Variants in CRBN observed in about 807,000 individuals in gnomAD.
The protein encoded by CRBN is protein cereblon.
A neutral mutation model predicts 62.2 loss-of-function variants in CRBN; 53 were observed. The observed-to-expected ratio is 0.85, with a 90% CI of 0.68 to 1.07. The LOEUF is 1.07. CRBN is among the 50% of genes least tolerant of loss of function. CRBN has a pLI of 0.00. For missense variants in CRBN, 616 were observed against 531.1 expected (o/e 1.16, Z -1.57); for synonymous variants, 208 against 176.1 (o/e 1.18, Z -1.43).
intron 1 of CRBN, 53 bp from the exon 2 acceptor site, chr3:3,175,322 A>G (rs1305297911): frequency 7.0e-6 from 9 of 1,284,200 alleles, no homozygotes; most frequent in Non-Finnish European, 1.0e-5. Flanking sequence ...AAAACCTTTC[A>G]AACATGTAAT....
At chr3:3,179,432 G>A (rs571850128) in intron 1 of CRBN, among the ~76,000 whole-genome samples, 189 bp downstream of exon 1, 6 of 152,270 alleles carry the variant, frequency 3.9e-5, no homozygotes, top group East Asian at 3.9e-4. Context: ...GGGCAACAGA[G>A]CAGCGAAGAA....
chr3:3,171,853 C>T (rs1052029605), intron 4 of CRBN, among the ~76,000 whole-genome samples: 1 of 152,164 alleles, frequency 6.6e-6, no homozygotes, highest in Non-Finnish European at 1.5e-5. Flanking sequence ...CTGGGCAACA[C>T]AGAGGTCTGA....
chr3:3,149,899 G>A (rs959098760), downstream of CRBN: 1 of 152,062 alleles, frequency 6.6e-6, no homozygotes, highest in African/African-American at 2.4e-5. Context: ...AAATGTGGAA[G>A]GAAGGACCCA....
chr3:3,170,582 C>A (rs149963162), intron 4 of CRBN, among the ~76,000 whole-genome samples: 1 of 152,060 alleles, frequency 6.6e-6, no homozygotes, highest in Admixed American at 6.6e-5. Context: ...CAGAAAAAGA[C>A]GAGACTGAAC....
rs774075027 is a variant in CRBN, at chr3:3,172,896, C to G, written c.407G>C (p.Gly136Ala). The change falls in exon 4 of 11, where the codon GGA (glycine) becomes GCA (alanine). Residue 136 changes from glycine (G) to alanine (A), a missense_variant. By Grantham distance (60) the Gly-to-Ala change is moderately conservative. Transcript: ENST00000231948. ...ATAGGCATATATCTCTGCTGTTGTT[C>G]CAAACTGTGCTTCCCTTTCCTGTAC... ...SNVQEREAQF[G>A]TTAEIYAYRE... 7.4e-6 allele frequency: 12 copies of G among 1,613,706 alleles called. No homozygotes were observed. Among genetic ancestry groups the G allele is most frequent in the Non-Finnish European group, 1.0e-5 (12 of 1,179,810 alleles).
In CRBN at chr3:3,174,064, T is replaced by C. The variant is rs1454422744; in HGVS notation, c.372A>G (p.Ala124=). 7 of 1,613,698 alleles carry C rather than the reference T, an allele frequency of 4.3e-6. No individual in the cohort carries two copies. Among genetic ancestry groups the C allele is most frequent in the Non-Finnish European group, 5.9e-6 (7 of 1,179,582 alleles). Reference sequence around the variant, plus strand: ...AATGGACTCTAATATTTTACCTGTATGCAAGAACAGCAAAGGTTCTATCTT... The same window carrying C: ...AATGGACTCTAATATTTTACCTGTACGCAAGAACAGCAAAGGTTCTATCTT... ...IQKDRTFAVL[A]YSNVQEREAQ... Residue 124 remains alanine, a synonymous_variant, in exon 3 of 11, where the codon GCA becomes GCG. Coordinates refer to ENST00000231948, the MANE Select transcript of CRBN (RefSeq NM_016302.4).
At chr3:3,168,803 T>C (rs1707462310) in intron 4 of CRBN, among the ~76,000 whole-genome samples, 1 of 152,208 alleles carries the variant, frequency 6.6e-6, no homozygotes, top group African/African-American at 2.4e-5. Flanking sequence ...CTCACTCTAC[T>C]AACTTTATTT....
In CRBN at chr3:3,167,428, C is replaced by T. The variant is rs1575094377; in HGVS notation, c.687+206G>A. 7.3e-6 allele frequency: 4 copies of T among 547,728 alleles called. No individual in the cohort carries two copies. The East Asian group carries it at 1.3e-4, about 17-fold the overall frequency. The allele number at this position is 547,728 out of a possible 1,614,324, so 33.9% of individuals were successfully genotyped here. A position where few individuals can be genotyped will look rare whatever the true frequency, so the allele number is the denominator to read the frequency against. ...TAAGCATAATAACAAGGATACCTTA[C>T]AGCTGTGTGACATTTTATTGCTTTT... On this transcript the variant is annotated intron_variant, in intron 5 of 10. Transcript: ENST00000231948.
At chr3:3,162,995 T>C (rs1707199264) in intron 5 of CRBN, among the ~76,000 whole-genome samples, 1 of 152,156 alleles carries the variant, frequency 6.6e-6, no homozygotes, top group African/African-American at 2.4e-5. Context: ...ACTCAGATGG[T>C]CCCACTGCAT....
At chr3:3,162,629 C>T (rs144274798) in intron 5 of CRBN, among the ~76,000 whole-genome samples, 1,713 of 152,232 alleles carry the variant, frequency 0.011, 31 homozygotes, top group Middle Eastern at 0.027. Flanking sequence ...TAGGTTTCCA[C>T]GGCAAATGCT....
chr3:3,173,904 A>G (rs1707726228), intron 3 of CRBN, 155 bp downstream of exon 3: 3 of 683,864 alleles, frequency 4.4e-6, no homozygotes, highest in Admixed American at 2.1e-5. Flanking sequence ...TCCAACTTGC[A>G]CTATCAAACT....
At chr3:3,151,243 T>G (rs1620675) in intron 10 of CRBN, among the ~76,000 whole-genome samples, 198 bp from the exon 11 acceptor site, 78,755 of 152,006 alleles carry the variant, frequency 0.52, 22,346 homozygotes, top group Middle Eastern at 0.7. Context: ...TGTATGACTT[T>G]TATGCTCTTA....
At chr3:3,172,217 A>C (rs1002434011) in intron 4 of CRBN, 1 of 154,028 alleles carries the variant, frequency 6.5e-6, no homozygotes, top group South Asian at 2.0e-4. Flanking sequence ...TGTAAATAGC[A>C]TTTCTGGGTG....
chr3:3,153,360 G>A, intron 9 of CRBN, 64 bp downstream of exon 9: 1 of 959,798 alleles, frequency 1.0e-6, no homozygotes, highest in Non-Finnish European at 1.7e-6. Flanking sequence ...ATGGAAAACA[G>A]AAATACAGTC....
At chr3:3,149,984 T>G (rs1040323175), downstream of CRBN, 5 of 152,152 alleles carry the variant, frequency 3.3e-5, no homozygotes, top group African/African-American at 1.2e-4. Context: ...TGAGTAGATA[T>G]TTTACATTAT....
chr3:3,156,320 G>A (rs1470894917), intron 5 of CRBN, 39 bp from the exon 6 acceptor site: 2 of 1,551,844 alleles, frequency 1.3e-6, no homozygotes, highest in Non-Finnish European at 1.8e-6. Context: ...AAACCCCACA[G>A]AATAAAGATT....
At chr3:3,164,336 A>C (rs1055922947) in intron 5 of CRBN, among the ~76,000 whole-genome samples, 1 of 152,200 alleles carries the variant, frequency 6.6e-6, no homozygotes, top group Admixed American at 6.5e-5. Context: ...GTGAATATGA[A>C]ATGCTACTCT....
At chr3:3,156,793 A>T (rs1706909607) in intron 5 of CRBN, 1 of 156,988 alleles carries the variant, frequency 6.4e-6, no homozygotes, top group African/African-American at 2.4e-5. Context: ...CTCATTTCAT[A>T]AAACTCAAGG....
intron 1 of CRBN, among the ~76,000 whole-genome samples, chr3:3,176,714 C>T (rs943796424): frequency 3.3e-5 from 5 of 152,114 alleles, no homozygotes; most frequent in Non-Finnish European, 4.4e-5. Context: ...CCAGCCTGGG[C>T]GACAGAGCAA....
Sources: gnomAD v4.1 joint callset for allele counts (sites outside exome capture counted in the v4.1 genomes callset) on GRCh38, gnomAD v4.1.1 for gene constraint, MANE v1.5 for transcripts, NCBI Gene and HGNC (gene_info 2026-07-23, HGNC 2026-07-21) for gene names.